The following MEI4 variants were observed in gnomAD, a reference collection of about 807,000 sequenced individuals.
MEI4 encodes meiosis-specific protein MEI4.
A neutral mutation model predicts 31.4 loss-of-function variants in MEI4; 27 were observed. That is an observed-to-expected ratio of 0.86 (90% CI 0.63 to 1.19). The LOEUF is 1.19. MEI4 is among the 50% of genes most tolerant of loss of function. The pLI is 0.00. For synonymous variants in MEI4, 122 were observed against 145.4 expected, an observed-to-expected ratio of 0.84 and a Z score of 1.16; for missense variants, 329 against 398.9, an observed-to-expected ratio of 0.82 and a Z score of 1.49.
Position 77,918,277 on chromosome 6 carries a change from T to G in MEI4, c.901-4812T>G, listed in dbSNP as rs547975556. Among the ~76,000 whole-genome samples, 36 of 150,716 alleles carry G rather than the reference T, an allele frequency of 2.4e-4. No homozygotes were observed. The South Asian group carries it at 4.9e-3, about 20-fold the overall frequency. On this transcript the variant is annotated intron_variant, in intron 4 of 4. Coordinates refer to ENST00000684080, the MANE Select transcript of MEI4 (RefSeq NM_001322247.2). ...CTCTTTTTTGGTTCCATATGAACTT[T>G]AAAGTAGTTTTTTCCAATTCTGTGA...
rs1400107149 is a variant in MEI4 at position 77,925,103 on chromosome 6, G to T, written c.*1757G>T. 6.6e-6 allele frequency: 1 copy of T among 151,744 alleles called. No homozygotes were observed. The highest frequency in any genetic ancestry group is 1.5e-5 in the Non-Finnish European group (1 of 67,880). The allele number at this position is 151,744 out of a possible 1,614,324, so 9.4% of individuals were successfully genotyped here. A position where few individuals can be genotyped will look rare whatever the true frequency, so the allele number is the denominator to read the frequency against. On this transcript the variant is annotated 3_prime_UTR_variant, in exon 5 of 5. Transcript: ENST00000684080. ...CTTTCATTGTGATTAAACAAGATTG[G>T]TAAATACACAAGTATCAGCAATGGC...
chr6:77,851,090 T>C lies in MEI4; in HGVS notation c.900+22028T>C, dbSNP rs371901556. 1.5e-3 allele frequency among the ~76,000 whole-genome samples: 225 copies of C among 152,172 alleles called. 1 individual carries two copies. The highest frequency in any genetic ancestry group is 6.8e-3 in the Middle Eastern group (2 of 294). The stretch of plus-strand genomic sequence containing the variant: ...TGCAAATCAAAACCACAATGAGATA[T>C]CATCTCACACCAGTTAGAATGGTGA... On this transcript the variant is annotated intron_variant, in intron 4 of 4. Coordinates refer to ENST00000684080, the MANE Select transcript of MEI4 (RefSeq NM_001322247.2).
At chr6:77,707,029 G>A (rs1490704399) in intron 2 of MEI4, among the ~76,000 whole-genome samples, 3 of 118,064 alleles carry the variant, frequency 2.5e-5, no homozygotes, top group Non-Finnish European at 6.0e-5. Context: ...AAATGTGGAT[G>A]TGGTTTTGAA....
chr6:77,793,186 A>G (rs979673659), intron 3 of MEI4, among the ~76,000 whole-genome samples: 2 of 152,192 alleles, frequency 1.3e-5, no homozygotes, highest in East Asian at 1.9e-4. Flanking sequence ...GTAAACCTCC[A>G]TAAGGTTATC....
intron 3 of MEI4, among the ~76,000 whole-genome samples, chr6:77,778,407 A>C (rs529817777): frequency 4.6e-5 from 7 of 152,080 alleles, no homozygotes; most frequent in Admixed American, 4.6e-4. Context: ...CTTTAGTACA[A>C]GTAAAAATCC....
At chr6:77,737,007 A>T (rs973168924) in intron 2 of MEI4, among the ~76,000 whole-genome samples, 2 of 152,232 alleles carry the variant, frequency 1.3e-5, no homozygotes, top group Non-Finnish European at 1.5e-5. Flanking sequence ...TGATAGTGGC[A>T]TACAGAGCAT....
intron 2 of MEI4, among the ~76,000 whole-genome samples, chr6:77,733,639 C>G (rs1767084190): frequency 6.6e-6 from 1 of 151,818 alleles, no homozygotes; most frequent in Non-Finnish European, 1.5e-5. Flanking sequence ...CAGTTCTGCT[C>G]TGATTTTAGT....
At chr6:77,823,930 A>G (rs1208157195) in intron 3 of MEI4, among the ~76,000 whole-genome samples, 1 of 152,138 alleles carries the variant, frequency 6.6e-6, no homozygotes, top group Admixed American at 6.5e-5. Flanking sequence ...GCAGTGTAAT[A>G]GTTATGTTTC....
chr6:77,791,799 T>C (rs975326144), intron 3 of MEI4, among the ~76,000 whole-genome samples: 2 of 152,314 alleles, frequency 1.3e-5, no homozygotes, highest in Middle Eastern at 3.4e-3. Context: ...ATCTAATCTC[T>C]AGTAATTTTC....
intron 3 of MEI4, among the ~76,000 whole-genome samples, chr6:77,819,333 A>AT (rs1288192134): frequency 6.6e-6 from 1 of 151,634 alleles, no homozygotes; most frequent in Non-Finnish European, 1.5e-5. Flanking sequence ...TTTCTGAATG[A>AT]TTTTTTTCAC....
chr6:77,691,815 C>T (rs562505341), intron 2 of MEI4, among the ~76,000 whole-genome samples: 4 of 151,906 alleles, frequency 2.6e-5, no homozygotes, highest in African/African-American at 9.7e-5. Context: ...TTTACTTGAG[C>T]AAACTAGAAC....
intron 2 of MEI4, among the ~76,000 whole-genome samples, chr6:77,743,393 G>C (rs1239939052): frequency 6.6e-6 from 1 of 152,080 alleles, no homozygotes; most frequent in East Asian, 1.9e-4. Flanking sequence ...ATTGTGAATT[G>C]GAGTTCACTC....
At chr6:77,857,061 A>T (rs1770763602) in intron 4 of MEI4, among the ~76,000 whole-genome samples, 1 of 152,036 alleles carries the variant, frequency 6.6e-6, no homozygotes, top group Non-Finnish European at 1.5e-5. Flanking sequence ...TCTTTCTAGA[A>T]TCCATTATTT....
intron 4 of MEI4, among the ~76,000 whole-genome samples, chr6:77,905,060 C>T (rs762745758): frequency 9.9e-5 from 15 of 152,080 alleles, no homozygotes; most frequent in Non-Finnish European, 1.5e-4. Context: ...CTCCTTTTCA[C>T]AATTTTTAAG....
intron 1 of MEI4, among the ~76,000 whole-genome samples, chr6:77,685,340 A>G (rs1769035449): frequency 6.7e-6 from 1 of 149,214 alleles, no homozygotes; most frequent in Non-Finnish European, 1.5e-5. Context: ...GCTGCACAGA[A>G]GCTTTTTAAC....
chr6:77,690,996 T>G, intron 2 of MEI4, 93 bp downstream of exon 2: 5 of 665,418 alleles, frequency 7.5e-6, no homozygotes, highest in Non-Finnish European at 1.1e-5. Flanking sequence ...AACATGAAAA[T>G]TTTTAGTTTC....
chr6:77,805,987 A>G (rs11756048), intron 3 of MEI4, among the ~76,000 whole-genome samples: 20,940 of 152,098 alleles, frequency 0.14, 1,529 homozygotes, highest in Middle Eastern at 0.21. Flanking sequence ...ATTTCTTCCT[A>G]AGAGAAGAGG....
chr6:77,883,453 G>A (rs904904830), intron 4 of MEI4, among the ~76,000 whole-genome samples: 3 of 150,238 alleles, frequency 2.0e-5, no homozygotes, highest in Non-Finnish European at 3.0e-5. Context: ...ACCCCACCCC[G>A]CCTCCCCCCG....
chr6:77,888,054 A>G (rs1771666999), intron 4 of MEI4, among the ~76,000 whole-genome samples: 1 of 152,062 alleles, frequency 6.6e-6, no homozygotes, highest in Admixed American at 6.5e-5. Context: ...TTTGATTTAA[A>G]GTTTATTTTG....
Sources: allele counts gnomAD v4.1 joint callset (sites outside exome capture counted in the v4.1 genomes callset), GRCh38; gene constraint gnomAD v4.1.1; transcripts MANE v1.5; gene names NCBI Gene and HGNC (gene_info 2026-07-23, HGNC 2026-07-21).